ACAP2: variants seen among roughly 807,000 people sequenced by gnomAD.
ACAP2 encodes arf-GAP with coiled-coil, ANK repeat and PH domain-containing protein 2.
Under a neutral mutation model 115.8 loss-of-function variants are expected in ACAP2, and 39 were observed. The observed-to-expected ratio is 0.34, with a 90% confidence interval of 0.26 to 0.44. The LOEUF (loss-of-function observed/expected upper bound fraction) is 0.44. ACAP2 is among the 20% of genes least tolerant of loss of function. The probability of loss-of-function intolerance (pLI) is 1.00; values close to 1 mark genes in which losing one functional copy is unlikely to be tolerated. For missense variants in ACAP2, 662 were observed against 927.6 expected, an observed-to-expected ratio of 0.71 and a Z score of 3.72; for synonymous variants, 289 against 315.8, an observed-to-expected ratio of 0.92 and a Z score of 0.90.
intron 1 of ACAP2, among the ~76,000 whole-genome samples, chr3:195,441,606 T>C (rs916968098): frequency 6.6e-6 from 1 of 152,208 alleles, no homozygotes; most frequent in Non-Finnish European, 1.5e-5. Context: ...TGAGAACAGT[T>C]AGTTCCCAGG....
chr3:195,317,188 G>A (rs560190337), intron 10 of ACAP2, among the ~76,000 whole-genome samples: 35 of 151,906 alleles, frequency 2.3e-4, no homozygotes, highest in African/African-American at 8.0e-4. Context: ...GTGAGCCACC[G>A]TGCCCACCCA....
At chr3:195,298,252 C>CTTT (rs33951107) in intron 15 of ACAP2, among the ~76,000 whole-genome samples, 7 of 109,956 alleles carry the variant, frequency 6.4e-5, no homozygotes, top group Non-Finnish European at 9.3e-5. Context: ...TTTCTCTCCT[C>CTTT]TTTTTTTTTT....
chr3:195,385,251 A>C (rs1168896897), intron 2 of ACAP2, among the ~76,000 whole-genome samples: 1 of 151,838 alleles, frequency 6.6e-6, no homozygotes, highest in Non-Finnish European at 1.5e-5. Context: ...GTATTCAAAA[A>C]AAAAAAAAAA....
Position 195,442,969 on chromosome 3 carries a change from G to T in ACAP2, c.-122C>A. On this transcript the variant is annotated 5_prime_UTR_variant, in exon 1 of 23. Coordinates refer to ENST00000326793, the MANE Select transcript of ACAP2 (RefSeq NM_012287.6). ...ACTAGCGTTGCGCGGAGCTGCGAAG[G>T]GCGCCTCGCCCGCTGGTCATAGCAG... 2 of 880,622 alleles carry T rather than the reference G, an allele frequency of 2.3e-6. No individual in the cohort carries two copies. 54.6% of individuals were successfully genotyped at this position (880,622 alleles called of 1,614,324 possible).
At chr3:195,370,550 T>C (rs940596011) in intron 4 of ACAP2, among the ~76,000 whole-genome samples, 2 of 152,118 alleles carry the variant, frequency 1.3e-5, no homozygotes, top group African/African-American at 4.8e-5. Context: ...GATCAGATGG[T>C]TGTAGGTGTG....
In ACAP2 at chr3:195,336,959, T is replaced by C. The variant is rs1470608136; in HGVS notation, c.546A>G (p.Ser182=). ...ATTTTAGGATTTCTGATCTCCTTTT[T>C]GATTGAAGAACATTAATCTGAGGGA... ...DYVLQINVLQ[S]KRRSEILKSM... Residue 182 remains serine, a synonymous_variant, in exon 7 of 23, where the codon TCA becomes TCG. Transcript: ENST00000326793. 9 of 1,610,764 alleles carry C rather than the reference T, an allele frequency of 5.6e-6. No homozygotes were observed. Among genetic ancestry groups the C allele is most frequent in the Non-Finnish European group, 7.6e-6 (9 of 1,178,474 alleles).
chr3:195,321,055 ATATAAT>A (rs1020427867), intron 9 of ACAP2, among the ~76,000 whole-genome samples: 1 of 152,146 alleles, frequency 6.6e-6, no homozygotes, highest in African/African-American at 2.4e-5. Flanking sequence ...ACGTAAGGAC[ATATAAT>A]TATATAGAAT....
intron 1 of ACAP2, among the ~76,000 whole-genome samples, chr3:195,426,885 T>G (rs2108848150): frequency 6.6e-6 from 1 of 152,216 alleles, no homozygotes; most frequent in East Asian, 1.9e-4. Context: ...AGAGGTGAAT[T>G]TTGGGGAGCC....
At chr3:195,377,138 C>CT (rs749352761) in intron 4 of ACAP2, among the ~76,000 whole-genome samples, 5,500 of 76,872 alleles carry the variant, frequency 0.072, 171 homozygotes, top group Non-Finnish European at 0.086. Flanking sequence ...GAATGTAAAT[C>CT]TTTTTTTTTT....
chr3:195,357,311 T>C (rs1732039379), intron 4 of ACAP2, among the ~76,000 whole-genome samples: 1 of 152,088 alleles, frequency 6.6e-6, no homozygotes, highest in Admixed American at 6.5e-5. Context: ...TTGAATACAG[T>C]GCCAGGGAAA....
At chr3:195,425,046 A>AAAAAC (rs1714575631) in intron 1 of ACAP2, among the ~76,000 whole-genome samples, 1 of 148,944 alleles carries the variant, frequency 6.7e-6, no homozygotes, top group African/African-American at 2.5e-5. Context: ...AAAAAAAAAA[A>AAAAAC]AAAAAAAAGA....
chr3:195,435,061 T>C (rs1191247568), intron 1 of ACAP2, among the ~76,000 whole-genome samples: 1 of 151,938 alleles, frequency 6.6e-6, no homozygotes, highest in Non-Finnish European at 1.5e-5. Flanking sequence ...ATTGTTCTCT[T>C]CTCTATTTTC....
At chr3:195,334,049 CATTTT>C (rs967826426) in intron 7 of ACAP2, among the ~76,000 whole-genome samples, 1 of 152,102 alleles carries the variant, frequency 6.6e-6, no homozygotes, top group Admixed American at 6.5e-5. Flanking sequence ...AAATCACCCT[CATTTT>C]AATTAAGTTT....
At chr3:195,371,880 A>G (rs1312916840) in intron 4 of ACAP2, among the ~76,000 whole-genome samples, 1 of 152,118 alleles carries the variant, frequency 6.6e-6, no homozygotes, top group Non-Finnish European at 1.5e-5. Flanking sequence ...GCTGGTCTCA[A>G]ACTCCTGGCC....
At chr3:195,416,376 G>A (rs889706179) in intron 1 of ACAP2, among the ~76,000 whole-genome samples, 7 of 150,404 alleles carry the variant, frequency 4.7e-5, no homozygotes, top group Non-Finnish European at 7.4e-5. Context: ...CATCACCATC[G>A]GTTAAGAAAC....
intron 1 of ACAP2, among the ~76,000 whole-genome samples, chr3:195,415,906 T>C (rs1331074167): frequency 1.3e-5 from 2 of 151,058 alleles, no homozygotes; most frequent in Admixed American, 6.6e-5. Context: ...GATTGGGAGG[T>C]GTGATTTTTA....
chr3:195,332,937 A>G lies in ACAP2; in HGVS notation c.669+91T>C, dbSNP rs1245234324. The G allele has an allele frequency of 5.6e-6, 5 of 900,504 alleles. No individual in the cohort carries two copies. In the African/African-American group the frequency reaches 7.1e-5, roughly 13 times the overall value. 55.8% of individuals were successfully genotyped at this position (900,504 alleles called of 1,614,324 possible). ...GGCAGCTCTTTATAGCAGTGTGAGA[A>G]CAAACTAGTACACCTCCAATATGCT... On this transcript the variant is annotated intron_variant, in intron 8 of 22. Coordinates refer to ENST00000326793, the MANE Select transcript of ACAP2 (RefSeq NM_012287.6).
intron 4 of ACAP2, among the ~76,000 whole-genome samples, chr3:195,348,968 T>C (rs1203632138): frequency 1.3e-5 from 2 of 152,046 alleles, no homozygotes; most frequent in African/African-American, 2.4e-5. Flanking sequence ...AATGCAATCA[T>C]ACAAGAAATA....
At chr3:195,389,107 C>T (rs570915038) in intron 2 of ACAP2, among the ~76,000 whole-genome samples, 1 of 150,982 alleles carries the variant, frequency 6.6e-6, no homozygotes, top group Non-Finnish European at 1.5e-5. Context: ...AACTTTAGTG[C>T]GAGGGAAAAC....
Sources: allele counts gnomAD v4.1 joint callset (sites outside exome capture counted in the v4.1 genomes callset), GRCh38; gene constraint gnomAD v4.1.1; transcripts MANE v1.5; gene names NCBI Gene and HGNC (gene_info 2026-07-23, HGNC 2026-07-21).